Variants in ODAD2 observed in about 807,000 individuals in gnomAD.
ODAD2 encodes the protein outer dynein arm docking complex subunit 2, also known as outer dynein arm-docking complex subunit 2.
A neutral mutation model predicts 106.8 loss-of-function variants in ODAD2; 89 were observed. The ratio of observed to expected loss-of-function variants is 0.83; its 90% CI spans 0.70 to 0.99. The LOEUF is 0.99. Among genes scored for constraint, ODAD2 ranks in the 50% least tolerant of loss-of-function variants. The pLI is 0.00. For missense variants in ODAD2, 1,168 were observed against 1,238.5 expected, an observed-to-expected ratio of 0.94 and a Z score of 0.85; for synonymous variants, 404 against 436.2, an observed-to-expected ratio of 0.93 and a Z score of 0.92.
rs1168352203 is a variant in ODAD2, at chr10:27,995,192, C to T, written c.-38-12G>A. On this transcript the variant is annotated splice_polypyrimidine_tract_variant and intron_variant, in intron 1 of 19. Transcript: ENST00000305242. Reference sequence around the variant, plus strand: ...GCTTAGCACACGCACTACATCAGAGCAGAAAGAGAAAGAGACAACAGCGTC... The same window carrying T: ...GCTTAGCACACGCACTACATCAGAGTAGAAAGAGAAAGAGACAACAGCGTC... The T allele has an allele frequency of 2.5e-6, 4 of 1,594,918 alleles. No individual in the cohort carries two copies. The highest frequency in any genetic ancestry group is 3.4e-6 in the Non-Finnish European group (4 of 1,169,244).
At chr10:27,845,437 G>A (rs1233846713) in intron 19 of ODAD2, among the ~76,000 whole-genome samples, 6 of 152,240 alleles carry the variant, frequency 3.9e-5, no homozygotes, top group African/African-American at 1.2e-4. Flanking sequence ...AACATGGAAA[G>A]GAACAGCTGG....
chr10:27,997,304 TA>T (rs1256131051), intron 1 of ODAD2, among the ~76,000 whole-genome samples: 1 of 152,196 alleles, frequency 6.6e-6, no homozygotes, highest in Non-Finnish European at 1.5e-5. Context: ...CAAATCAGTG[TA>T]AAATAGTGTG....
intron 17 of ODAD2, among the ~76,000 whole-genome samples, chr10:27,896,882 C>T (rs1191882035): frequency 6.6e-6 from 1 of 152,126 alleles, no homozygotes; most frequent in African/African-American, 2.4e-5. Context: ...CTCTTAATAG[C>T]TGAGCTTCTA....
intron 10 of ODAD2, among the ~76,000 whole-genome samples, chr10:27,958,654 G>A (rs1847896497): frequency 1.3e-5 from 2 of 152,168 alleles, no homozygotes; most frequent in Non-Finnish European, 2.9e-5. Context: ...CCACACATTT[G>A]CTACAATAAT....
At chr10:27,933,125 ATATAGT>A (rs1845724076) in intron 16 of ODAD2, among the ~76,000 whole-genome samples, 1 of 151,970 alleles carries the variant, frequency 6.6e-6, no homozygotes, top group South Asian at 2.1e-4. Flanking sequence ...GGGCATGGTG[ATATAGT>A]CCCAGCTACT....
intron 19 of ODAD2, among the ~76,000 whole-genome samples, chr10:27,822,105 A>G (rs1836659479): frequency 6.6e-6 from 1 of 152,228 alleles, no homozygotes. Flanking sequence ...TCTGGTGTAA[A>G]AGGCTTTGAT....
chr10:27,904,021 A>T (rs1416464960), intron 17 of ODAD2, among the ~76,000 whole-genome samples: 1 of 152,204 alleles, frequency 6.6e-6, no homozygotes, highest in Non-Finnish European at 1.5e-5. Context: ...GTTGCCAAAA[A>T]GGGTATATGC....
At chr10:27,870,687 TC>T (rs1463647635) in intron 17 of ODAD2, among the ~76,000 whole-genome samples, 1 of 152,186 alleles carries the variant, frequency 6.6e-6, no homozygotes, top group African/African-American at 2.4e-5. Context: ...CATGAACTCA[TC>T]CTTTTTTATG....
chr10:27,867,611 G>A (rs1840538331), intron 17 of ODAD2, among the ~76,000 whole-genome samples: 1 of 152,104 alleles, frequency 6.6e-6, no homozygotes, highest in Non-Finnish European at 1.5e-5. Context: ...TGCCATCCTA[G>A]TCCACATCTC....
intron 7 of ODAD2, among the ~76,000 whole-genome samples, chr10:27,974,703 TGCTTAGGATTGCCTTGGCTATTC>T (rs1849082356): frequency 6.6e-6 from 1 of 151,280 alleles, no homozygotes. Flanking sequence ...TTTTTTTTTT[TGCTTAGGATTGCCTTGGCTATTC>T]TTTTCTGGTT....
chr10:27,832,933 T>C (rs1837597363), intron 19 of ODAD2, among the ~76,000 whole-genome samples: 1 of 152,212 alleles, frequency 6.6e-6, no homozygotes, highest in African/African-American at 2.4e-5. Flanking sequence ...TTTTTTCAAA[T>C]TATTTTAGTA....
chr10:27,866,814 A>T (rs1362075050), intron 17 of ODAD2, among the ~76,000 whole-genome samples: 1 of 152,106 alleles, frequency 6.6e-6, no homozygotes, highest in East Asian at 1.9e-4. Context: ...AGGCATTCAT[A>T]AGGGATCAGC....
intron 19 of ODAD2, among the ~76,000 whole-genome samples, chr10:27,815,656 C>T (rs988052132): frequency 2.0e-5 from 3 of 152,184 alleles, no homozygotes; most frequent in African/African-American, 7.2e-5. Context: ...CATTCATTCT[C>T]ATCTTCTCAA....
chr10:27,898,186 A>G (rs374608689), intron 17 of ODAD2, among the ~76,000 whole-genome samples: 12 of 152,140 alleles, frequency 7.9e-5, no homozygotes, highest in African/African-American at 2.4e-4. Flanking sequence ...TTGACAGTTA[A>G]TCAGTATCTA....
intron 19 of ODAD2, among the ~76,000 whole-genome samples, chr10:27,829,049 C>T (rs1250933792): frequency 6.6e-6 from 1 of 151,892 alleles, no homozygotes; most frequent in Non-Finnish European, 1.5e-5. Flanking sequence ...ATTCATCCCT[C>T]ATGTGGATAA....
At chr10:27,995,232 A>G in intron 1 of ODAD2, 52 bp from the exon 2 acceptor site, 2 of 1,514,864 alleles carry the variant, frequency 1.3e-6, no homozygotes, top group Non-Finnish European at 8.8e-7. Flanking sequence ...TTTTCCTTGG[A>G]ACATTTTTCA....
chr10:27,887,084 A>G (rs1418150307), intron 17 of ODAD2, among the ~76,000 whole-genome samples: 4 of 152,054 alleles, frequency 2.6e-5, no homozygotes, highest in African/African-American at 9.7e-5. Flanking sequence ...ATGGATTTTA[A>G]AAAAACAATT....
At chr10:27,923,499 A>C (rs1844937746) in intron 16 of ODAD2, among the ~76,000 whole-genome samples, 1 of 152,194 alleles carries the variant, frequency 6.6e-6, no homozygotes, top group African/African-American at 2.4e-5. Flanking sequence ...ATGTAAGAAG[A>C]TTTAGATAAA....
At chr10:27,983,624 A>G (rs1299943594) in intron 6 of ODAD2, among the ~76,000 whole-genome samples, 1 of 152,214 alleles carries the variant, frequency 6.6e-6, no homozygotes. Context: ...TTTGAAGCCC[A>G]TTTCTTATCA....
Sources: allele counts gnomAD v4.1 joint callset (sites outside exome capture counted in the v4.1 genomes callset), GRCh38; gene constraint gnomAD v4.1.1; transcripts MANE v1.5; gene names NCBI Gene and HGNC (gene_info 2026-07-23, HGNC 2026-07-21).